The following RMP64 variants were observed in gnomAD, a reference collection of about 807,000 sequenced individuals.
The protein encoded by RMP64 is nucleolus and neural progenitor protein.
the RMP64 span, chr3:113,005,482 G>C: frequency 1.7e-6 from 2 of 1,169,678 alleles, no homozygotes; most frequent in Non-Finnish European, 1.3e-6. Context: ...GTTCTACTTA[G>C]AACACTGAAC....
At chr3:113,010,529 C>T in the RMP64 span, 1 of 792,794 alleles carries the variant, frequency 1.3e-6, no homozygotes, top group Admixed American at 2.4e-5. Flanking sequence ...ACTAAGAAGG[C>T]ACTAAGCTTA....
the RMP64 span, chr3:113,012,742 G>A: frequency 6.3e-7 from 1 of 1,586,720 alleles, no homozygotes; most frequent in Non-Finnish European, 8.7e-7. Context: ...ACCATAACCT[G>A]CTCACCAGCC....
At chr3:113,008,681 G>T in the RMP64 span, 1 of 316,310 alleles carries the variant, frequency 3.2e-6, no homozygotes, top group Non-Finnish European at 5.8e-6. Context: ...AAAAAAATCA[G>T]TCTGTAAGGA....
chr3:113,012,354 T>C, the RMP64 span, among the ~76,000 whole-genome samples: 1 of 152,324 alleles, frequency 6.6e-6, no homozygotes. Context: ...TGTTGCAATA[T>C]GACTACTACC....
At chr3:113,007,253 A>G in the RMP64 span, among the ~76,000 whole-genome samples, 1 of 152,068 alleles carries the variant, frequency 6.6e-6, no homozygotes, top group Non-Finnish European at 1.5e-5. Context: ...ATATTCAACC[A>G]CTTTCCCCAT....
chr3:113,014,431 C>T, the RMP64 span: 1 of 156,072 alleles, frequency 6.4e-6, no homozygotes, highest in Admixed American at 6.5e-5. Context: ...TCTCGGCTCA[C>T]TGCAAGCTCC....
At chr3:113,012,725 T>C in the RMP64 span, 3 of 1,489,162 alleles carry the variant, frequency 2.0e-6, no homozygotes, top group Non-Finnish European at 2.8e-6. Context: ...GTCAGAGGTA[T>C]GTACATACCA....
chr3:113,008,334 CA>C, the RMP64 span: 2 of 1,613,996 alleles, frequency 1.2e-6, no homozygotes, highest in Non-Finnish European at 1.7e-6. Flanking sequence ...AATCTTTGCA[CA>C]AAACTTTTGG....
At chr3:113,019,214 A>C in the RMP64 span, 1 of 345,198 alleles carries the variant, frequency 2.9e-6, no homozygotes, top group African/African-American at 2.2e-5. Context: ...GACCCGGGTG[A>C]GCAAGGGTTC....
chr3:113,008,106 T>C, the RMP64 span: 2 of 1,459,182 alleles, frequency 1.4e-6, no homozygotes, highest in African/African-American at 1.4e-5. Context: ...AAAAGTGACC[T>C]GAATACTTTT....
At chr3:113,006,986 T>C in the RMP64 span, among the ~76,000 whole-genome samples, 1 of 152,204 alleles carries the variant, frequency 6.6e-6, no homozygotes, top group Non-Finnish European at 1.5e-5. Context: ...CAGGGCAATC[T>C]ATGAAGGAGC....
chr3:113,006,137 C>T, the RMP64 span: 1 of 663,704 alleles, frequency 1.5e-6, no homozygotes. Context: ...AATCCCAGAA[C>T]CACATCGAAA....
chr3:113,012,215 G>A, the RMP64 span, among the ~76,000 whole-genome samples: 5 of 152,170 alleles, frequency 3.3e-5, no homozygotes, highest in African/African-American at 1.2e-4. Flanking sequence ...GTTTGAGATG[G>A]AAGAAAATAG....
chr3:113,009,905 TTAAA>T, the RMP64 span, among the ~76,000 whole-genome samples: 160 of 151,966 alleles, frequency 1.1e-3, no homozygotes, highest in Non-Finnish European at 1.9e-3. Flanking sequence ...TTAAGAATTC[TTAAA>T]TAAAAGAAGT....
At chr3:113,014,207 A>C in the RMP64 span, among the ~76,000 whole-genome samples, 2 of 152,146 alleles carry the variant, frequency 1.3e-5, no homozygotes, top group Admixed American at 1.3e-4. Context: ...AATTGCTTCT[A>C]GTTACAAATT....
At chr3:113,017,619 T>G in the RMP64 span, 1 of 1,607,256 alleles carries the variant, frequency 6.2e-7, no homozygotes, top group Non-Finnish European at 8.5e-7. Context: ...CAGAGACATC[T>G]AATAAGATTT....
At chr3:113,005,538 A>G in the RMP64 span, 1 of 1,590,482 alleles carries the variant, frequency 6.3e-7, no homozygotes, top group Non-Finnish European at 8.6e-7. Flanking sequence ...ACGAACATCT[A>G]AACTCCCATT....
the RMP64 span, chr3:113,019,578 T>A: frequency 1.2e-6 from 2 of 1,613,894 alleles, no homozygotes; most frequent in Non-Finnish European, 1.7e-6. Context: ...GTCACTGCGC[T>A]GCGGTTCCCC....
chr3:113,011,488 GA>G, the RMP64 span: 8 of 1,260,098 alleles, frequency 6.3e-6, no homozygotes, highest in Non-Finnish European at 8.8e-6. Context: ...ATTGAAAGCT[GA>G]AAATAAATGG....
Sources: gnomAD v4.1 joint callset for allele counts (sites outside exome capture counted in the v4.1 genomes callset) on GRCh38, gnomAD v4.1.1 for gene constraint, MANE v1.5 for transcripts, NCBI Gene and HGNC (gene_info 2026-07-23, HGNC 2026-07-21) for gene names.